The following PDE1C variants were observed in gnomAD, a reference collection of about 807,000 sequenced individuals.
The protein encoded by PDE1C is phosphodiesterase 1C, also known as dual specificity calcium/calmodulin-dependent 3',5'-cyclic nucleotide phosphodiesterase 1C.
Under a neutral mutation model 93.1 loss-of-function variants are expected in PDE1C, and 62 were observed. The ratio of observed to expected loss-of-function variants is 0.67; its 90% CI spans 0.54 to 0.82. The LOEUF is 0.82. Ranked by LOEUF, PDE1C falls within the 40% of genes least tolerant of loss-of-function variation. The probability of loss-of-function intolerance (pLI) is 0.00; values close to 1 mark genes in which losing one functional copy is unlikely to be tolerated. For synonymous variants in PDE1C, 325 were observed against 310.1 expected (o/e 1.05, Z -0.50); for missense variants, 742 against 884.6 (o/e 0.84, Z 2.04).
intron 2 of PDE1C, among the ~76,000 whole-genome samples, chr7:31,905,417 T>C (rs1301093471): frequency 6.6e-6 from 1 of 152,138 alleles, no homozygotes; most frequent in Non-Finnish European, 1.5e-5. Context: ...GATGAAAATG[T>C]CTATTTGAAA....
chr7:31,981,820 T>C (rs1228030641), intron 2 of PDE1C, among the ~76,000 whole-genome samples: 2 of 152,226 alleles, frequency 1.3e-5, no homozygotes, highest in Non-Finnish European at 2.9e-5. Context: ...CAAAGCAATT[T>C]AGAAAGCTTT....
In PDE1C at chr7:32,275,770, G is replaced by A. The variant is rs572727627; in HGVS notation, c.85+22881C>T. 1.1e-4 allele frequency among the ~76,000 whole-genome samples: 16 copies of A among 152,262 alleles called. No individual in the cohort carries two copies. The South Asian group carries it at 3.3e-3, about 32-fold the overall frequency. ...AAGTGAATGTGTAGTTCCCCTTGTG[G>A]TTCATTTATGCACACACTCCCAAAC... On this transcript the variant is annotated intron_variant, in intron 1 of 18. Coordinates refer to the PDE1C transcript ENST00000396193.
intron 7 of PDE1C, among the ~76,000 whole-genome samples, chr7:31,858,517 T>C (rs940306606): frequency 1.3e-5 from 2 of 152,140 alleles, no homozygotes; most frequent in African/African-American, 2.4e-5. Flanking sequence ...TTTGATCCTG[T>C]AGCAAAATAC....
At chr7:31,955,620 C>T (rs529127460) in intron 2 of PDE1C, among the ~76,000 whole-genome samples, 26 of 152,114 alleles carry the variant, frequency 1.7e-4, no homozygotes, top group South Asian at 1.0e-3. Context: ...CTCCTAGTAA[C>T]TAGTTGCAGC....
At chr7:31,965,324 T>G (rs1352422369) in intron 2 of PDE1C, among the ~76,000 whole-genome samples, 1 of 152,202 alleles carries the variant, frequency 6.6e-6, no homozygotes, top group East Asian at 1.9e-4. Flanking sequence ...CAAGCCTCAG[T>G]AGCCGATGCG....
At chr7:32,386,820 A>T (rs939443496) in intron 1 of PDE1C, among the ~76,000 whole-genome samples, 1 of 152,158 alleles carries the variant, frequency 6.6e-6, no homozygotes, top group Non-Finnish European at 1.5e-5. Context: ...AATAGCCGTC[A>T]AAGAGGTTGA....
At chr7:31,937,868 T>C (rs1349199174) in intron 2 of PDE1C, among the ~76,000 whole-genome samples, 2 of 152,180 alleles carry the variant, frequency 1.3e-5, no homozygotes, top group Non-Finnish European at 2.9e-5. Flanking sequence ...GGTTTTTCAC[T>C]ACAAAATAGT....
At chr7:31,723,537 T>C in the PDE1C span, among the ~76,000 whole-genome samples, 66,704 of 151,866 alleles carry the variant, frequency 0.44, 16,469 homozygotes, top group East Asian at 0.7. Flanking sequence ...GCAGTGGTTC[T>C]CCCTGTCCTG....
chr7:31,645,744 G>A, the PDE1C span, among the ~76,000 whole-genome samples: 225 of 152,238 alleles, frequency 1.5e-3, no homozygotes, highest in Non-Finnish European at 2.7e-3. Flanking sequence ...GACATTTTTA[G>A]TTGTCACAAC....
intron 2 of PDE1C, among the ~76,000 whole-genome samples, chr7:31,951,026 C>T (rs192392084): frequency 1.4e-4 from 22 of 152,290 alleles, no homozygotes; most frequent in Admixed American, 1.4e-3. Context: ...CTCTTCTTGG[C>T]TTGTAGATGG....
At chr7:31,762,970 G>A (rs372305364) in intron 17 of PDE1C, among the ~76,000 whole-genome samples, 4 of 152,118 alleles carry the variant, frequency 2.6e-5, no homozygotes, top group Admixed American at 6.5e-5. Context: ...TCTCAATCCC[G>A]GGTGCACATC....
intron 2 of PDE1C, among the ~76,000 whole-genome samples, chr7:31,984,522 C>T (rs1020621767): frequency 6.6e-5 from 10 of 152,164 alleles, no homozygotes; most frequent in South Asian, 6.2e-4. Flanking sequence ...TCTCACCACA[C>T]GCCCAACAAA....
chr7:32,043,693 C>T (rs543369947), intron 2 of PDE1C, among the ~76,000 whole-genome samples: 2 of 152,260 alleles, frequency 1.3e-5, no homozygotes, highest in South Asian at 4.1e-4. Context: ...CTAAAATACT[C>T]TCAGTGTTTC....
intron 3 of PDE1C, among the ~76,000 whole-genome samples, chr7:32,084,245 G>T (rs1430529303): frequency 6.6e-6 from 1 of 151,978 alleles, no homozygotes; most frequent in Non-Finnish European, 1.5e-5. Context: ...AAGATCAAAG[G>T]AGACAAAGAA....
chr7:32,071,689 G>C (rs1158139407), upstream of PDE1C, among the ~76,000 whole-genome samples: 1 of 152,168 alleles, frequency 6.6e-6, no homozygotes, highest in Admixed American at 6.5e-5. Context: ...GGTTCCCCTA[G>C]TTCATGAACA....
intron 3 of PDE1C, among the ~76,000 whole-genome samples, chr7:32,125,848 T>TA (rs1320060772): frequency 6.6e-6 from 1 of 151,548 alleles, no homozygotes; most frequent in South Asian, 2.1e-4. Context: ...AAGTAAAATT[T>TA]AAAAAAAAGA....
chr7:32,369,618 C>A (rs1784288178), intron 1 of PDE1C, among the ~76,000 whole-genome samples: 1 of 152,178 alleles, frequency 6.6e-6, no homozygotes, highest in Admixed American at 6.5e-5. Flanking sequence ...CCATATGATT[C>A]AGCTATCCTA....
intron 1 of PDE1C, among the ~76,000 whole-genome samples, chr7:32,243,880 G>C (rs958331928): frequency 6.6e-6 from 1 of 152,322 alleles, no homozygotes; most frequent in East Asian, 1.9e-4. Context: ...CTTAGACACA[G>C]GAGTTTCTGA....
At chr7:31,817,679 T>C (rs1788439828) in intron 14 of PDE1C, among the ~76,000 whole-genome samples, 1 of 152,208 alleles carries the variant, frequency 6.6e-6, no homozygotes, top group Admixed American at 6.5e-5. Context: ...GTGTTTACTT[T>C]ATTTCTTTTG....
Sources: allele counts gnomAD v4.1 joint callset (sites outside exome capture counted in the v4.1 genomes callset), GRCh38; gene constraint gnomAD v4.1.1; transcripts MANE v1.5; gene names NCBI Gene and HGNC (gene_info 2026-07-23, HGNC 2026-07-21).